Variants in KIF4A observed in about 807,000 individuals in gnomAD.
KIF4A encodes kinesin family member 4A.
A neutral mutation model predicts 105.9 loss-of-function variants in KIF4A; 7 were observed. The ratio of observed to expected loss-of-function variants is 0.07; its 90% CI spans 0.04 to 0.12. KIF4A has a LOEUF of 0.12. KIF4A is among the 10% of genes least tolerant of loss of function. KIF4A has a pLI of 1.00. For synonymous variants in KIF4A, 281 were observed against 331.3 expected (o/e 0.85, Z 1.65); for missense variants, 558 against 929.2 (o/e 0.60, Z 5.19).
chrX:70,353,770 A>G lies in KIF4A; in HGVS notation c.1637A>G (p.Asn546Ser). Residue 546 changes from asparagine (N) to serine (S), a missense_variant, in exon 15 of 31, where the codon AAT (asparagine) becomes AGT (serine). By Grantham distance (46) the Asn-to-Ser change is conservative. Around this residue, in one of 2 missense-constraint regions of KIF4A, gnomAD observed 469 missense variants for 680.4 expected, o/e 0.69. Coordinates refer to ENST00000374403, the MANE Select transcript of KIF4A (RefSeq NM_012310.5). ...KEALARKMTQNDSQLQPIQYQ... is the reference protein window; with the variant it reads ...KEALARKMTQSDSQLQPIQYQ... Reference sequence around the variant, plus strand: ...GCCCTGGCTAGGAAGATGACTCAGAATGACAGCCAACTGCAGCCCATTCAG... The same window carrying G: ...GCCCTGGCTAGGAAGATGACTCAGAGTGACAGCCAACTGCAGCCCATTCAG... 1 of 1,198,248 alleles carries G rather than the reference A, an allele frequency of 8.3e-7. No individual in the cohort carries two copies.
chrX:70,292,693 A>T (rs1473233844), intron 3 of KIF4A, among the ~76,000 whole-genome samples: 1 of 112,109 alleles, frequency 8.9e-6, no homozygotes, highest in East Asian at 2.8e-4. Context: ...CTCTTCAATT[A>T]TCCCCGCCTT....
chrX:70,327,079 A>G (rs1420147828), intron 7 of KIF4A, among the ~76,000 whole-genome samples: 2 of 111,607 alleles, frequency 1.8e-5, no homozygotes, highest in African/African-American at 6.5e-5. Flanking sequence ...GATATGGGCC[A>G]ATAAAATAGC....
chrX:70,406,503 A>G, intron 27 of KIF4A, 149 bp downstream of exon 27: 2 of 483,218 alleles, frequency 4.1e-6, no homozygotes, highest in East Asian at 3.7e-5. Flanking sequence ...CTACAGTTCA[A>G]TCCTAAGGAA....
chrX:70,395,933 T>C lies in KIF4A; in HGVS notation c.2389-16T>C. The C allele has an allele frequency of 3.3e-6, 4 of 1,199,191 alleles. No homozygotes were observed. Among genetic ancestry groups the C allele is most frequent in the Non-Finnish European group, 4.5e-6 (4 of 885,581 alleles). On this transcript the variant is annotated splice_polypyrimidine_tract_variant and intron_variant, in intron 21 of 30. Transcript: ENST00000374403. ...TCCTTTTAGTATTTCACCCTTGTTC[T>C]CACTATTATTTACAGAGGCGTACAT...
intron 1 of KIF4A, 89 bp from the exon 2 acceptor site, chrX:70,290,349 C>G: frequency 8.4e-6 from 9 of 1,068,906 alleles, no homozygotes; most frequent in Admixed American, 2.7e-5. Flanking sequence ...AGTGTTCCCG[C>G]TGAGGAGGGT....
At chrX:70,374,047 T>C (rs2086165173) in intron 15 of KIF4A, 104 bp from the exon 16 acceptor site, 2 of 395,246 alleles carry the variant, frequency 5.1e-6, no homozygotes, top group Non-Finnish European at 8.7e-6. Context: ...GCAGTTGAAG[T>C]GGTAAAAATT....
chrX:70,396,240 GGTAA>G, intron 22 of KIF4A, 191 bp downstream of exon 22: 1 of 352,869 alleles, frequency 2.8e-6, no homozygotes, highest in Non-Finnish European at 4.9e-6. Context: ...TGCCTTATGA[GGTAA>G]GTATCATTCT....
intron 15 of KIF4A, among the ~76,000 whole-genome samples, chrX:70,369,677 T>G (rs2086122040): frequency 8.9e-6 from 1 of 112,026 alleles, no homozygotes. Context: ...GATCTGTATA[T>G]GCTGATATAA....
chrX:70,382,009 T>C (rs755269178), intron 18 of KIF4A, among the ~76,000 whole-genome samples: 13 of 112,643 alleles, frequency 1.2e-4, no homozygotes, highest in Non-Finnish European at 2.1e-4. Flanking sequence ...AATCCAGAAA[T>C]AAACTTACAC....
At chrX:70,360,587 G>A (rs1001463105) in intron 15 of KIF4A, among the ~76,000 whole-genome samples, 4 of 113,336 alleles carry the variant, frequency 3.5e-5, no homozygotes, top group African/African-American at 1.3e-4. Context: ...GGCCTGGGCC[G>A]CCTGAACCGT....
chrX:70,362,763 C>T (rs1216423854), intron 15 of KIF4A, among the ~76,000 whole-genome samples: 1 of 111,184 alleles, frequency 9.0e-6, no homozygotes, highest in Non-Finnish European at 1.9e-5. Flanking sequence ...AACTCCTGAC[C>T]TTAGGTTATC....
At chrX:70,292,355 C>G (rs2085764553) in intron 3 of KIF4A, among the ~76,000 whole-genome samples, 1 of 112,320 alleles carries the variant, frequency 8.9e-6, no homozygotes, top group African/African-American at 3.2e-5. Context: ...TAAAACAGTT[C>G]TTTAGTCTTT....
chrX:70,355,586 A>G (rs2086047641), intron 15 of KIF4A, among the ~76,000 whole-genome samples: 1 of 111,984 alleles, frequency 8.9e-6, no homozygotes, highest in Admixed American at 9.5e-5. Context: ...TGGTGCCCAC[A>G]GTCACATCCT....
Position 70,403,763 on chromosome X carries a change from C to T in KIF4A, c.2620-101C>T, listed in dbSNP as rs1371963037. On this transcript the variant is annotated intron_variant, in intron 23 of 30. Coordinates refer to ENST00000374403, the MANE Select transcript of KIF4A (RefSeq NM_012310.5). ...TAGACTTGAACATGGAGGAATTTTT[C>T]TCAGACCCTTTCAAGAAAGCTGACA... is the stretch of plus-strand genomic sequence containing the variant. 5 of 764,397 alleles carry T rather than the reference C, an allele frequency of 6.5e-6. No individual in the cohort carries two copies. In the Admixed American group the frequency reaches 1.1e-4, roughly 17 times the overall value. The allele number at this position is 764,397 out of a possible 1,213,427, so 63.0% of individuals were successfully genotyped here. A position where few individuals can be genotyped will look rare whatever the true frequency, so the allele number is the denominator to read the frequency against.
In KIF4A at chrX:70,405,855, G is replaced by T; in HGVS notation, c.2926G>T (p.Val976Leu). 1 of 1,208,667 alleles carries T rather than the reference G, an allele frequency of 8.3e-7. No individual in the cohort carries two copies. Among genetic ancestry groups the T allele is most frequent in the East Asian group, 3.0e-5 (1 of 33,821 alleles). Residue 976 changes from valine to leucine, a missense_variant, in exon 26 of 31, where the codon GTG (valine) becomes TTG (leucine). Val to Leu is a conservative substitution (Grantham distance 32). Coordinates refer to ENST00000374403, the MANE Select transcript of KIF4A (RefSeq NM_012310.5). ...TGAAGAACTTGAGAAAATGCGAGAA[G>T]TGTGTGAGCAAAATCAGCAGCTTCT... is the stretch of plus-strand genomic sequence containing the variant. The part of the protein sequence containing the change: ...QDEELEKMRE[V>L]CEQNQQLLRE...
Position 70,381,812 on chromosome X carries a change from C to A in KIF4A, c.2035-4806C>A, listed in dbSNP as rs193087567. ...ATTCCATCTGGTTTCTTCACAGAAA[C>A]TCACAAACTGATTCTAAAATATATA... On this transcript the variant is annotated intron_variant, in intron 18 of 30. Coordinates refer to ENST00000374403, the MANE Select transcript of KIF4A (RefSeq NM_012310.5). 2.9e-3 allele frequency among the ~76,000 whole-genome samples: 319 copies of A among 111,690 alleles called. 1 individual carries two copies. Among genetic ancestry groups the A allele is most frequent in the African/African-American group, 9.6e-3 (294 of 30,785 alleles).
chrX:70,373,538 ATATATATATATATATATACG>A lies in KIF4A; in HGVS notation c.1675-602_1675-583del, dbSNP rs2086152596. ...TGTGTGTGTATGTATATATATATATATATATATATATATATATACGTATATATATACATATATACGTGTAT... is the reference window on the plus strand; with the variant it reads ...TGTGTGTGTATGTATATATATATATATATATATATACATATATACGTGTAT... On this transcript the variant is annotated intron_variant, in intron 15 of 30. Coordinates refer to ENST00000374403, the MANE Select transcript of KIF4A (RefSeq NM_012310.5). 4.6e-5 allele frequency among the ~76,000 whole-genome samples: 2 copies of A among 43,386 alleles called. 1 individual carries two copies. The highest frequency in any genetic ancestry group is 7.3e-5 in the Non-Finnish European group (2 of 27,566). 37.7% of individuals were successfully genotyped at this position (43,386 alleles called of 115,157 possible).
chrX:70,373,499 C>CAT (rs201624539), intron 15 of KIF4A, among the ~76,000 whole-genome samples: 33 of 49,675 alleles, frequency 6.6e-4, no homozygotes, highest in Non-Finnish European at 7.7e-4. Flanking sequence ...ACCTGGGCAA[C>CAT]ATATATATAT....
intron 22 of KIF4A, among the ~76,000 whole-genome samples, chrX:70,401,647 C>T (rs947124816): frequency 7.4e-5 from 8 of 107,949 alleles, no homozygotes; most frequent in Non-Finnish European, 9.6e-5. Context: ...GTGATCCACC[C>T]ACCTCGGCCT....
Sources: allele counts gnomAD v4.1 joint callset (sites outside exome capture counted in the v4.1 genomes callset), GRCh38; gene constraint gnomAD v4.1.1; regional missense constraint gnomAD v4.1.1; transcripts MANE v1.5; gene names NCBI Gene and HGNC (gene_info 2026-07-23, HGNC 2026-07-21).